The following FBLN1 variants were observed in gnomAD, a reference collection of about 807,000 sequenced individuals.
The protein encoded by FBLN1 is fibulin-1.
FBLN1 carries 34 observed loss-of-function variants against 89.7 expected under a neutral mutation model. The ratio of observed to expected loss-of-function variants is 0.38; its 90% CI spans 0.29 to 0.50. The LOEUF is 0.50. FBLN1 is among the 20% of genes least tolerant of loss of function. The probability of loss-of-function intolerance (pLI) is 0.92; values close to 1 mark genes in which losing one functional copy is unlikely to be tolerated. For synonymous variants in FBLN1, 393 were observed against 391.3 expected, an observed-to-expected ratio of 1.00 and a Z score of -0.05; for missense variants, 777 against 988.1, an observed-to-expected ratio of 0.79 and a Z score of 2.86.
chr22:45,585,732 G>A (rs536758619), intron 16 of FBLN1, among the ~76,000 whole-genome samples: 1 of 152,308 alleles, frequency 6.6e-6, no homozygotes, highest in African/African-American at 2.4e-5. Flanking sequence ...GTTCCAGGAG[G>A]TGGAGGGCAT....
chr22:45,560,046 A>G (rs960707521), intron 14 of FBLN1, among the ~76,000 whole-genome samples: 1 of 152,232 alleles, frequency 6.6e-6, no homozygotes, highest in African/African-American at 2.4e-5. Flanking sequence ...GTAGGAATGC[A>G]GTAGGCTTCC....
chr22:45,566,296 G>T (rs2088901132), intron 14 of FBLN1, among the ~76,000 whole-genome samples: 3 of 152,094 alleles, frequency 2.0e-5, no homozygotes, highest in African/African-American at 7.2e-5. Flanking sequence ...TCCCACCAAG[G>T]GACTCTTCTT....
chr22:45,528,081 T>C (rs1349902633), intron 4 of FBLN1, 72 bp downstream of exon 4: 2 of 1,545,764 alleles, frequency 1.3e-6, no homozygotes, highest in Non-Finnish European at 1.8e-6. Flanking sequence ...AGAGCGAGAG[T>C]GGAGAGAGAG....
chr22:45,548,670 A>G lies in FBLN1; in HGVS notation c.1499A>G (p.Asn500Ser). 6.2e-7 allele frequency: 1 copy of G among 1,613,878 alleles called. No individual in the cohort carries two copies. Among genetic ancestry groups the G allele is most frequent in the Non-Finnish European group, 8.5e-7 (1 of 1,180,020 alleles). Residue 500 changes from asparagine (N) to serine (S), a missense_variant, in exon 13 of 17, where the codon AAC becomes AGC. Asn to Ser is a conservative substitution (Grantham distance 46). Coordinates refer to ENST00000327858, the MANE Select transcript of FBLN1 (RefSeq NM_006486.3). ...CACATCTGCTCCTACCGCTGCATCA[A>G]CATCCCTGGAAGCTTCCAGTGCAGC... ...GGHICSYRCINIPGSFQCSCP... is the reference protein window; with the variant it reads ...GGHICSYRCISIPGSFQCSCP...
chr22:45,574,917 G>C lies in FBLN1; in HGVS notation c.1840+264G>C, dbSNP rs1292246484. ...CTGCCTCAGCCTTCCGAGTAGCTGGGACTACAGGCGCCCGCCACCACGCCT... is the reference window on the plus strand; with the variant it reads ...CTGCCTCAGCCTTCCGAGTAGCTGGCACTACAGGCGCCCGCCACCACGCCT... On this transcript the variant is annotated intron_variant, in intron 15 of 16. Coordinates refer to ENST00000327858, the MANE Select transcript of FBLN1 (RefSeq NM_006486.3). The surrounding 1 kb of genome is among the most constrained non-coding windows in gnomAD (Gnocchi z 4.1). 6.6e-6 allele frequency among the ~76,000 whole-genome samples: 1 copy of C among 152,020 alleles called. No individual in the cohort carries two copies. Among genetic ancestry groups the C allele is most frequent in the Non-Finnish European group, 1.5e-5 (1 of 68,000 alleles).
chr22:45,589,739 C>G (rs985971255), intron 16 of FBLN1, among the ~76,000 whole-genome samples: 6 of 152,146 alleles, frequency 3.9e-5, no homozygotes, highest in Admixed American at 3.9e-4. Flanking sequence ...TCATCAGCCT[C>G]TCCCCTAGCC....
At position 45,556,464 on chromosome 22, in the gene FBLN1, G is replaced by C. The variant is rs1477302183; in HGVS notation, c.1697+5849G>C. On this transcript the variant is annotated intron_variant, in intron 14 of 16. Transcript: ENST00000327858. The surrounding 1 kb of genome is among the most constrained non-coding windows in gnomAD (Gnocchi z 4.6). Reference sequence around the variant, plus strand: ...CAGATCTTGTTTTTTTTTTTTCCTGGTGGAGTGACCCAAACCTTCATTCCT... The same window carrying C: ...CAGATCTTGTTTTTTTTTTTTCCTGCTGGAGTGACCCAAACCTTCATTCCT... 1.3e-5 allele frequency among the ~76,000 whole-genome samples: 2 copies of C among 151,080 alleles called. No homozygotes were observed. The highest frequency in any genetic ancestry group is 1.3e-4 in the Admixed American group (2 of 15,214).
chr22:45,584,557 G>A (rs1049895773), intron 16 of FBLN1, among the ~76,000 whole-genome samples: 6 of 152,150 alleles, frequency 3.9e-5, no homozygotes, highest in African/African-American at 1.2e-4. Context: ...TTCATAACCT[G>A]TCTGAGCCTC....
At chr22:45,508,284 A>ATTTTTTTTTTTTTT (rs1273382952) in intron 1 of FBLN1, among the ~76,000 whole-genome samples, 11 of 65,418 alleles carry the variant, frequency 1.7e-4, no homozygotes, top group African/African-American at 4.8e-4. Flanking sequence ...AGCCTCGCGT[A>ATTTTTTTTTTTTTT]TCTTTTTTTT....
In FBLN1 at chr22:45,578,331, A is replaced by G. The variant is rs1248490643; in HGVS notation, c.1972+1223A>G. The stretch of plus-strand genomic sequence containing the variant: ...TTTACAAGCTTTTAAATGGGTTTGC[A>G]TGTTGTAAACATGACTGAGTCACTG... On this transcript the variant is annotated intron_variant, in intron 16 of 16. Transcript: ENST00000327858. This position sits in a 1 kb window ranked among gnomAD's most constrained non-coding sequence, Gnocchi z 4.6. 1.3e-5 allele frequency: 2 copies of G among 152,230 alleles called. No individual in the cohort carries two copies. The highest frequency in any genetic ancestry group is 1.3e-4 in the Admixed American group (2 of 15,286). 9.4% of individuals were successfully genotyped at this position (152,230 alleles called of 1,614,324 possible).
At chr22:45,546,320 A>G (rs530741851) in intron 11 of FBLN1, among the ~76,000 whole-genome samples, 2 of 152,284 alleles carry the variant, frequency 1.3e-5, no homozygotes, top group East Asian at 1.9e-4. Flanking sequence ...TTGTTCAAGC[A>G]ATTCTCCTGC....
At chr22:45,547,738 C>T (rs1011399717) in intron 12 of FBLN1, among the ~76,000 whole-genome samples, 11 of 151,900 alleles carry the variant, frequency 7.2e-5, no homozygotes, top group Non-Finnish European at 5.9e-5. Context: ...CATCCTTAAG[C>T]GTGAGGGTGG....
rs1355176588 is a variant in FBLN1 at position 45,579,134 on chromosome 22, AGC to A, written c.1972+2027_1972+2028del. Among the ~76,000 whole-genome samples the A allele has an allele frequency of 6.6e-6, 1 of 152,226 alleles. No homozygotes were observed. Among genetic ancestry groups the A allele is most frequent in the Non-Finnish European group, 1.5e-5 (1 of 68,032 alleles). ...TTGGGCAGCTGCTGGGCCTAGAACC[AGC>A]ACCCACCAGCGCCTTTCTCTGGCTG... On this transcript the variant is annotated intron_variant, in intron 16 of 16. Coordinates refer to ENST00000327858, the MANE Select transcript of FBLN1 (RefSeq NM_006486.3). The surrounding 1 kb of genome is among the most constrained non-coding windows in gnomAD (Gnocchi z 5.5).
At chr22:45,558,622 T>G (rs1306254544) in intron 14 of FBLN1, 1 of 152,386 alleles carries the variant, frequency 6.6e-6, no homozygotes, top group Non-Finnish European at 1.5e-5. Context: ...TGGACCCCAC[T>G]CAAAACTGGC....
At chr22:45,541,554 G>A (rs566512356) in intron 9 of FBLN1, among the ~76,000 whole-genome samples, 182 bp downstream of exon 9, 30 of 152,284 alleles carry the variant, frequency 2.0e-4, no homozygotes, top group South Asian at 6.2e-4. Flanking sequence ...GCACCAGCCC[G>A]TCTACTGCCT....
Position 45,550,802 on chromosome 22 carries a change from C to T in FBLN1, c.1697+187C>T, listed in dbSNP as rs535448632. 46 of 795,748 alleles carry T rather than the reference C, an allele frequency of 5.8e-5. No individual in the cohort carries two copies. The highest frequency in any genetic ancestry group is 1.6e-4 in the Admixed American group (8 of 49,088). The allele number at this position is 795,748 out of a possible 1,614,324, so 49.3% of individuals were successfully genotyped here. On this transcript the variant is annotated intron_variant, in intron 14 of 16. Coordinates refer to ENST00000327858, the MANE Select transcript of FBLN1 (RefSeq NM_006486.3). The surrounding 1 kb of genome is among the most constrained non-coding windows in gnomAD (Gnocchi z 8.4). ...GCTAGTGACACTGGTCTCGGAAAGTCAAGGGGGTAACTGCAAATGAGTCTG... is the reference window on the plus strand; with the variant it reads ...GCTAGTGACACTGGTCTCGGAAAGTTAAGGGGGTAACTGCAAATGAGTCTG...
Position 45,568,638 on chromosome 22 carries a change from T to C in FBLN1, c.1698-5873T>C, listed in dbSNP as rs74395817. On this transcript the variant is annotated intron_variant, in intron 14 of 16. Transcript: ENST00000327858. ...AATGCTCCTCCTGTAAGGGAATGCC[T>C]CTTCTGTGGGAGAATGCTCCTTCTG... Among the ~76,000 whole-genome samples the C allele has an allele frequency of 2.2e-3, 196 of 90,020 alleles. 34 individuals carry two copies. Among genetic ancestry groups the C allele is most frequent in the African/African-American group, 0.012 (176 of 14,892 alleles). The allele number at this position is 90,020 out of a possible 152,430, so 59.1% of individuals were successfully genotyped here.
In FBLN1 at chr22:45,533,870, T is replaced by C. The variant is rs2088445025; in HGVS notation, c.756T>C (p.Tyr252=). 1 of 1,614,102 alleles carries C rather than the reference T, an allele frequency of 6.2e-7. No homozygotes were observed. The highest frequency in any genetic ancestry group is 1.1e-5 in the South Asian group (1 of 91,086). Residue 252 remains tyrosine (Y), a synonymous_variant, in exon 7 of 17, where the codon TAT becomes TAC. Coordinates refer to ENST00000327858, the MANE Select transcript of FBLN1 (RefSeq NM_006486.3). Reference sequence around the variant, plus strand: ...GGGACAGCAGCTGCGGGACTGGCTATGAGCTCACAGAGGACAATAGCTGCA... The same window carrying C: ...GGGACAGCAGCTGCGGGACTGGCTACGAGCTCACAGAGGACAATAGCTGCA... ...CQRDSSCGTG[Y]ELTEDNSCKD... is the part of the protein sequence containing the mutation.
At chr22:45,592,055 A>T (rs2089142351) in intron 16 of FBLN1, among the ~76,000 whole-genome samples, 1 of 152,158 alleles carries the variant, frequency 6.6e-6, no homozygotes, top group African/African-American at 2.4e-5. Flanking sequence ...GGATGGGAAG[A>T]TCTGGGCTCT....
Sources: gnomAD v4.1 joint callset for allele counts (sites outside exome capture counted in the v4.1 genomes callset) on GRCh38, gnomAD v4.1.1 for gene constraint, Gnocchi (gnomAD v3.1) non-coding constraint, MANE v1.5 for transcripts, NCBI Gene and HGNC (gene_info 2026-07-23, HGNC 2026-07-21) for gene names.